The following KLK5 variants were observed in gnomAD, a reference collection of about 807,000 sequenced individuals.
KLK5 encodes the protein kallikrein related peptidase 5, also known as kallikrein-5.
KLK5 carries 18 observed loss-of-function variants against 24.0 expected under a neutral mutation model. That is an observed-to-expected ratio of 0.75 (90% CI 0.52 to 1.11). The LOEUF is 1.11. KLK5 is among the 50% of genes most tolerant of loss of function. The probability of loss-of-function intolerance (pLI) is 0.00; values close to 1 mark genes in which losing one functional copy is unlikely to be tolerated. For synonymous variants in KLK5, 140 were observed against 154.0 expected, an observed-to-expected ratio of 0.91 and a Z score of 0.67; for missense variants, 374 against 379.2, an observed-to-expected ratio of 0.99 and a Z score of 0.11.
chr19:50,943,589 T>G lies in KLK5; in HGVS notation c.*42A>C. On this transcript the variant is annotated 3_prime_UTR_variant, in exon 6 of 6. Transcript: ENST00000336334. Reference sequence around the variant, plus strand: ...CTGAAAGGAGTGTCAGGGCTGTCCCTGCAGCAGGTGGGGATGCCGGTGTGC... The same window carrying G: ...CTGAAAGGAGTGTCAGGGCTGTCCCGGCAGCAGGTGGGGATGCCGGTGTGC... The G allele has an allele frequency of 6.3e-7, 1 of 1,583,776 alleles. No homozygotes were observed. Among genetic ancestry groups the G allele is most frequent in the Non-Finnish European group, 8.7e-7 (1 of 1,155,876 alleles).
At chr19:50,949,158 C>T (rs746099352) in intron 3 of KLK5, 43 bp from the exon 4 acceptor site, 1 of 1,587,970 alleles carries the variant, frequency 6.3e-7, no homozygotes, top group South Asian at 1.1e-5. Context: ...TGATCTCTAT[C>T]TCCACGTCCA....
chr19:50,948,353 C>T (rs189074133), intron 5 of KLK5, among the ~76,000 whole-genome samples: 1 of 152,080 alleles, frequency 6.6e-6, no homozygotes, highest in Non-Finnish European at 1.5e-5. Context: ...AAACTCCTGA[C>T]CAAAGGTGAT....
intron 3 of KLK5, 68 bp from the exon 4 acceptor site, chr19:50,949,183 C>A: frequency 2.0e-6 from 3 of 1,528,022 alleles, no homozygotes; most frequent in Non-Finnish European, 2.7e-6. Context: ...CAATCCCAAC[C>A]CCACACCCAG....
intron 4 of KLK5, 38 bp downstream of exon 4, chr19:50,948,821 A>C: frequency 6.2e-7 from 1 of 1,614,112 alleles, no homozygotes; most frequent in African/African-American, 1.3e-5. Context: ...GGAAGGCGGC[A>C]GAGATGGGTC....
Position 50,943,398 on chromosome 19 carries a change from T to C in KLK5, c.*233A>G, listed in dbSNP as rs2090605253. 1.4e-5 allele frequency: 6 copies of C among 441,070 alleles called. No homozygotes were observed. Among genetic ancestry groups the C allele is most frequent in the South Asian group, 4.7e-5 (1 of 21,404 alleles). 27.3% of individuals were successfully genotyped at this position (441,070 alleles called of 1,614,324 possible). A position where few individuals can be genotyped will look rare whatever the true frequency, so the allele number is the denominator to read the frequency against. ...TGAGGATGAAAGTGCCCCAGGGAGATTGAGACGCAACCCCCGCCCTGGACA... is the reference window on the plus strand; with the variant it reads ...TGAGGATGAAAGTGCCCCAGGGAGACTGAGACGCAACCCCCGCCCTGGACA... On this transcript the variant is annotated 3_prime_UTR_variant, in exon 6 of 6. Transcript: ENST00000336334.
At chr19:50,946,410 C>G (rs2090634566) in intron 5 of KLK5, among the ~76,000 whole-genome samples, 2 of 151,280 alleles carry the variant, frequency 1.3e-5, no homozygotes, top group Admixed American at 6.6e-5. Flanking sequence ...TTGCTTGTAG[C>G]TTTTAGTGGC....
chr19:50,949,163 C>G lies in KLK5; in HGVS notation c.336-48G>C, dbSNP rs371315709. The G allele has an allele frequency of 2.6e-4, 417 of 1,576,302 alleles. 1 individual carries two copies. The highest frequency in any genetic ancestry group is 6.9e-4 in the Middle Eastern group (3 of 4,320). On this transcript the variant is annotated intron_variant, in intron 3 of 5. Coordinates refer to ENST00000336334, the MANE Select transcript of KLK5 (RefSeq NM_012427.5). The stretch of plus-strand genomic sequence containing the variant: ...CCACCAACCCTGATCTCTATCTCCA[C>G]GTCCAACGCCAATCCCAACCCCACA...
intron 5 of KLK5, 135 bp downstream of exon 5, chr19:50,948,505 T>C: frequency 1.2e-6 from 1 of 811,508 alleles, no homozygotes. Context: ...ACACCACTAC[T>C]CTAGGGTATG....
rs201524467 is a variant in KLK5 at position 50,949,954 on chromosome 19, G to A, written c.236C>T (p.Pro79Leu). ...NGSDCDMHTQ[P>L]WQAALLLRPN... is the part of the protein sequence containing the mutation. ...CCTTAGCAACAGCGCGGCCTGCCAC[G>A]GCTGGGTGTGCATATCGCAGTCGGA... Residue 79 changes from proline (P) to leucine (L), a missense_variant, in exon 3 of 6, where the codon CCG becomes CTG. By Grantham distance (98) the Pro-to-Leu change is moderately conservative. Transcript: ENST00000336334. 6.4e-5 allele frequency: 104 copies of A among 1,613,766 alleles called. No individual in the cohort carries two copies. In the East Asian group the frequency reaches 1.8e-3, roughly 27 times the overall value.
At chr19:50,948,475 C>G (rs1449601288) in intron 5 of KLK5, among the ~76,000 whole-genome samples, 165 bp downstream of exon 5, 1 of 152,140 alleles carries the variant, frequency 6.6e-6, no homozygotes, top group African/African-American at 2.4e-5. Context: ...ACATAAGCAG[C>G]TCAGCATTAT....
chr19:50,951,122 G>A (rs965814671), intron 2 of KLK5, among the ~76,000 whole-genome samples: 8 of 152,034 alleles, frequency 5.3e-5, no homozygotes, highest in African/African-American at 1.7e-4. Flanking sequence ...TGGAGGGGAA[G>A]AGCAGGCCTA....
chr19:50,947,248 A>C lies in KLK5; in HGVS notation c.726+1392T>G, dbSNP rs1420752557. Among the ~76,000 whole-genome samples the C allele has an allele frequency of 2.0e-5, 3 of 152,078 alleles. No individual in the cohort carries two copies. Among genetic ancestry groups the C allele is most frequent in the African/African-American group, 7.2e-5 (3 of 41,406 alleles). ...TTGCAGAGCATTCGCCCCTGCCTACACCTCCAGCGTCACTTTCTACTGTTG... is the reference window on the plus strand; with the variant it reads ...TTGCAGAGCATTCGCCCCTGCCTACCCCTCCAGCGTCACTTTCTACTGTTG... On this transcript the variant is annotated intron_variant, in intron 5 of 5. Transcript: ENST00000336334. This position sits in a 1 kb window ranked among gnomAD's most constrained non-coding sequence, Gnocchi z 8.7.
intron 2 of KLK5, among the ~76,000 whole-genome samples, chr19:50,950,514 G>T (rs898935766): frequency 2.6e-5 from 4 of 152,080 alleles, no homozygotes; most frequent in Admixed American, 2.6e-4. Flanking sequence ...AGTGAGTGGG[G>T]TCAGGGCTGG....
At chr19:50,950,365 A>T (rs1457679908) in intron 2 of KLK5, 1 of 550,878 alleles carries the variant, frequency 1.8e-6, no homozygotes, top group East Asian at 3.1e-5. Context: ...CTAGAACTAC[A>T]TGTGAGGGTA....
At chr19:50,950,168 G>T in intron 2 of KLK5, 52 bp from the exon 3 acceptor site, 5 of 1,577,046 alleles carry the variant, frequency 3.2e-6, no homozygotes, top group Non-Finnish European at 4.3e-6. Flanking sequence ...CTTGGGCTGG[G>T]GGTGGGTTTC....
chr19:50,952,671 G>A lies in KLK5; in HGVS notation c.-11-3C>T. 2 of 1,590,116 alleles carry A rather than the reference G, an allele frequency of 1.3e-6. No individual in the cohort carries two copies. Among genetic ancestry groups the A allele is most frequent in the Non-Finnish European group, 8.6e-7 (1 of 1,167,870 alleles). ...TGCTGTAGCCATGGCCGCTGCACCTGGATGGGGAATGTCAGAGGGTTGGGA... is the reference window on the plus strand; with the variant it reads ...TGCTGTAGCCATGGCCGCTGCACCTAGATGGGGAATGTCAGAGGGTTGGGA... On this transcript the variant is annotated splice_region_variant and splice_polypyrimidine_tract_variant and intron_variant, in intron 1 of 5. Transcript: ENST00000336334.
At chr19:50,949,234 A>G in intron 3 of KLK5, 119 bp from the exon 4 acceptor site, 1 of 855,110 alleles carries the variant, frequency 1.2e-6, no homozygotes, top group South Asian at 1.8e-5. Context: ...TCCCCAAACC[A>G]TCCTCAACTC....
rs767782509 is a variant in KLK5 at position 50,943,757 on chromosome 19, A to G, written c.756T>C (p.Asn252=). 1 of 1,613,784 alleles carries G rather than the reference A, an allele frequency of 6.2e-7. No individual in the cohort carries two copies. Among genetic ancestry groups the G allele is most frequent in the Admixed American group, 1.7e-5 (1 of 59,980 alleles). Residue 252 remains asparagine (N), a synonymous_variant, in exon 6 of 6, where the codon AAT becomes AAC. Transcript: ENST00000336334. ...QGDSGGPVVC[N]GSLQGLVSWG... ...AGGACACGAGTCCCTGCAGGGAGCC[A>G]TTGCAGACCACAGGCCCCCCAGAAT...
At chr19:50,951,103 G>C (rs897314565) in intron 2 of KLK5, among the ~76,000 whole-genome samples, 3 of 151,946 alleles carry the variant, frequency 2.0e-5, no homozygotes, top group African/African-American at 7.3e-5. Context: ...CTCAGCTTAG[G>C]GGGCCACATG....
Sources: gnomAD v4.1 joint callset for allele counts (sites outside exome capture counted in the v4.1 genomes callset) on GRCh38, gnomAD v4.1.1 for gene constraint, Gnocchi (gnomAD v3.1) non-coding constraint, MANE v1.5 for transcripts, NCBI Gene and HGNC (gene_info 2026-07-23, HGNC 2026-07-21) for gene names.